The following PREX1 variants were observed in gnomAD, a reference collection of about 807,000 sequenced individuals.
PREX1 encodes phosphatidylinositol-3,4,5-trisphosphate dependent Rac exchange factor 1.
Under a neutral mutation model 198.3 loss-of-function variants are expected in PREX1, and 41 were observed. The observed-to-expected ratio is 0.21, with a 90% CI of 0.16 to 0.27. The LOEUF (loss-of-function observed/expected upper bound fraction) is 0.27. Ranked by LOEUF, PREX1 falls within the 10% of genes least tolerant of loss-of-function variation. PREX1 has a pLI of 1.00. For missense variants in PREX1, 1,620 were observed against 2,200.7 expected, an observed-to-expected ratio of 0.74 and a Z score of 5.28; for synonymous variants, 843 against 887.2, an observed-to-expected ratio of 0.95 and a Z score of 0.89.
chr20:48,839,905 G>T, the PREX1 span, among the ~76,000 whole-genome samples: 1 of 152,236 alleles, frequency 6.6e-6, no homozygotes, highest in African/African-American at 2.4e-5. Context: ...AGGAGAGCCA[G>T]ACTACTGATC....
At chr20:48,709,731 T>C (rs1601090416) in intron 5 of PREX1, among the ~76,000 whole-genome samples, 1 of 152,214 alleles carries the variant, frequency 6.6e-6, no homozygotes, top group Non-Finnish European at 1.5e-5. Context: ...AAGCACCAAG[T>C]ACATATATAG....
chr20:48,780,914 T>C (rs1265916315), intron 1 of PREX1, among the ~76,000 whole-genome samples: 2 of 152,198 alleles, frequency 1.3e-5, no homozygotes, highest in East Asian at 3.8e-4. Flanking sequence ...TGTTAACATC[T>C]CCCCTTGAAC....
chr20:48,675,489 G>A (rs1287518618), intron 14 of PREX1, among the ~76,000 whole-genome samples: 1 of 152,214 alleles, frequency 6.6e-6, no homozygotes, highest in Non-Finnish European at 1.5e-5. Context: ...GAGGCTTTAG[G>A]ATGGATGCTC....
At chr20:48,634,818 C>T in intron 32 of PREX1, 43 bp from the exon 33 acceptor site, 1 of 1,562,578 alleles carries the variant, frequency 6.4e-7, no homozygotes, top group Non-Finnish European at 8.8e-7. Context: ...GATGCCAACC[C>T]TGCCCCAGGG....
chr20:48,813,151 C>G (rs2090443981), intron 1 of PREX1, among the ~76,000 whole-genome samples: 1 of 152,236 alleles, frequency 6.6e-6, no homozygotes, highest in South Asian at 2.1e-4. Flanking sequence ...CTGGGCCAGG[C>G]ACACAGTAGG....
At chr20:48,862,791 A>AAAAAAAAAAAAAAAAAATC in the PREX1 span, among the ~76,000 whole-genome samples, 1 of 33,916 alleles carries the variant, frequency 2.9e-5, no homozygotes, top group Non-Finnish European at 6.4e-5. Context: ...AAAAAAAAAA[A>AAAAAAAAAAAAAAAAAATC]TATATATATA....
chr20:48,776,252 G>A (rs1336056906), intron 1 of PREX1, among the ~76,000 whole-genome samples: 9 of 152,132 alleles, frequency 5.9e-5, no homozygotes, highest in African/African-American at 2.4e-5. Context: ...GCTAGAGTCC[G>A]GGTCATCCTG....
Position 48,666,485 on chromosome 20 carries a change from T to C in PREX1, c.1666-130A>G, listed in dbSNP as rs1410661100. On this transcript the variant is annotated intron_variant, in intron 14 of 39. Coordinates refer to ENST00000371941, the MANE Select transcript of PREX1 (RefSeq NM_020820.4). This position sits in a 1 kb window ranked among gnomAD's most constrained non-coding sequence, Gnocchi z 4.3. ...GCCAGGGGTTGTCTGTTTTGTTTAC[T>C]GCAGTAACCCCAAAACGGGTTTGTG... 3.1e-5 allele frequency: 20 copies of C among 642,678 alleles called. No individual in the cohort carries two copies. The East Asian group carries it at 5.6e-4, about 18-fold the overall frequency. 39.8% of individuals were successfully genotyped at this position (642,678 alleles called of 1,614,324 possible). A position where few individuals can be genotyped will look rare whatever the true frequency, so the allele number is the denominator to read the frequency against.
chr20:48,634,159 G>GATGGACAGACGGATGATTGGATGC (rs2089341358), intron 33 of PREX1, among the ~76,000 whole-genome samples: 1 of 140,364 alleles, frequency 7.1e-6, no homozygotes. Flanking sequence ...TGGATGGATG[G>GATGGACAGACGGATGATTGGATGC]ATGGATGGAT....
At chr20:48,734,770 T>G (rs1249539083) in intron 3 of PREX1, 120 bp from the exon 4 acceptor site, 1 of 760,962 alleles carries the variant, frequency 1.3e-6, no homozygotes, top group East Asian at 2.6e-5. Context: ...CAGGAGAAGC[T>G]ACAGCAGGAG....
chr20:48,690,542 G>A (rs887182923), intron 9 of PREX1, among the ~76,000 whole-genome samples: 4 of 152,028 alleles, frequency 2.6e-5, no homozygotes. Flanking sequence ...ACTGCTTCGG[G>A]GGTGCCTGTG....
At chr20:48,887,884 A>G in the PREX1 span, among the ~76,000 whole-genome samples, 106 of 151,774 alleles carry the variant, frequency 7.0e-4, no homozygotes, top group East Asian at 1.7e-3. Flanking sequence ...CGGGAGGCGG[A>G]GCTTGCAGTG....
chr20:48,753,014 C>T lies in PREX1; in HGVS notation c.220-5134G>A, dbSNP rs139997734. Among the ~76,000 whole-genome samples the T allele has an allele frequency of 2.9e-3, 435 of 152,238 alleles. 2 individuals carry two copies. Among genetic ancestry groups the T allele is most frequent in the Middle Eastern group, 6.8e-3 (2 of 294 alleles). ...GTTCCTCTAGGTGATGCACATGTTT[C>T]CTCGAGCCCAGGCGTTCAAGTTCCT... On this transcript the variant is annotated intron_variant, in intron 1 of 39. Transcript: ENST00000371941.
chr20:48,757,521 G>A (rs11907586), intron 1 of PREX1, among the ~76,000 whole-genome samples: 10,755 of 152,264 alleles, frequency 0.071, 468 homozygotes, highest in South Asian at 0.18. Flanking sequence ...CTCTGGAGTC[G>A]GCCAAGCCTC....
intron 1 of PREX1, among the ~76,000 whole-genome samples, chr20:48,786,542 G>A (rs1327234572): frequency 9.2e-5 from 14 of 152,178 alleles, no homozygotes; most frequent in Admixed American, 5.9e-4. Context: ...TCAGGAGTTC[G>A]AGACCAGCCT....
At chr20:48,697,466 C>T (rs995929354) in intron 7 of PREX1, among the ~76,000 whole-genome samples, 8 of 151,796 alleles carry the variant, frequency 5.3e-5, no homozygotes, top group African/African-American at 1.5e-4. Flanking sequence ...CTGCAACCTC[C>T]GCCTCCTGGG....
At chr20:48,683,796 C>G (rs186058390) in intron 10 of PREX1, among the ~76,000 whole-genome samples, 2 of 152,216 alleles carry the variant, frequency 1.3e-5, no homozygotes, top group East Asian at 3.9e-4. Flanking sequence ...GAAAGCACTA[C>G]GTGGGCCGAG....
chr20:48,666,408 T>C lies in PREX1; in HGVS notation c.1666-53A>G, dbSNP rs541467372. ...TTAGGTGGCAGCATCCGAGAGGCCA[T>C]GCATGGCCAACGAGAAGCCCACAAC... On this transcript the variant is annotated intron_variant, in intron 14 of 39. Transcript: ENST00000371941. The surrounding 1 kb of genome is among the most constrained non-coding windows in gnomAD (Gnocchi z 4.3). 1.3e-4 allele frequency: 194 copies of C among 1,456,938 alleles called. 1 individual carries two copies. Among genetic ancestry groups the C allele is most frequent in the Non-Finnish European group, 9.4e-6 (10 of 1,068,636 alleles). The allele number at this position is 1,456,938 out of a possible 1,614,324, so 90.3% of individuals were successfully genotyped here.
At chr20:48,754,081 G>T (rs1478617145) in intron 1 of PREX1, among the ~76,000 whole-genome samples, 1 of 152,206 alleles carries the variant, frequency 6.6e-6, no homozygotes, top group Admixed American at 6.5e-5. Flanking sequence ...AGAAAGGATG[G>T]GAGAGACAGG....
Sources: allele counts gnomAD v4.1 joint callset (sites outside exome capture counted in the v4.1 genomes callset), GRCh38; gene constraint gnomAD v4.1.1; non-coding constraint Gnocchi (gnomAD v3.1); transcripts MANE v1.5; gene names NCBI Gene and HGNC (gene_info 2026-07-23, HGNC 2026-07-21).